The following DPP6 variants were observed in gnomAD, a reference collection of about 807,000 sequenced individuals.
The protein encoded by DPP6 is dipeptidyl peptidase like 6.
A neutral mutation model predicts 122.6 loss-of-function variants in DPP6; 69 were observed. The ratio of observed to expected loss-of-function variants is 0.56; its 90% CI spans 0.46 to 0.69. The LOEUF (loss-of-function observed/expected upper bound fraction) is 0.69. Among genes scored for constraint, DPP6 ranks in the 30% least tolerant of loss-of-function variants. The pLI is 0.00. For missense variants in DPP6, 928 were observed against 1,116.9 expected (o/e 0.83, Z 2.41); for synonymous variants, 418 against 433.1 (o/e 0.97, Z 0.43).
chr7:153,911,982 G>A (rs898091881), intron 1 of DPP6, among the ~76,000 whole-genome samples: 1 of 152,094 alleles, frequency 6.6e-6, no homozygotes, highest in Admixed American at 6.6e-5. Context: ...TGAAAACTTC[G>A]GGTTAAATTA....
chr7:154,775,231 G>C (rs1208568354), intron 10 of DPP6, among the ~76,000 whole-genome samples: 1 of 152,150 alleles, frequency 6.6e-6, no homozygotes, highest in African/African-American at 2.4e-5. Context: ...CCCTGCTTCA[G>C]TTTCCTCATC....
chr7:153,853,656 T>A, the DPP6 span, among the ~76,000 whole-genome samples: 1 of 152,142 alleles, frequency 6.6e-6, no homozygotes, highest in African/African-American at 2.4e-5. Flanking sequence ...AGAGTGAAAG[T>A]GCTGCTCAGG....
At chr7:154,707,567 A>T (rs1436577248) in intron 7 of DPP6, among the ~76,000 whole-genome samples, 1 of 152,218 alleles carries the variant, frequency 6.6e-6, no homozygotes, top group Non-Finnish European at 1.5e-5. Context: ...TCCATCGGAC[A>T]TGCCCCGAGG....
At chr7:154,569,698 A>G (rs1830989258) in intron 5 of DPP6, among the ~76,000 whole-genome samples, 2 of 151,690 alleles carry the variant, frequency 1.3e-5, no homozygotes, top group African/African-American at 4.9e-5. Context: ...TTCATTTGCA[A>G]TAAAATTTTG....
At chr7:154,522,637 A>C (rs1366688385) in intron 3 of DPP6, among the ~76,000 whole-genome samples, 1 of 152,288 alleles carries the variant, frequency 6.6e-6, no homozygotes, top group African/African-American at 2.4e-5. Context: ...TTTGGAGCCC[A>C]CATTGCCTTC....
Position 154,094,717 on chromosome 7 carries a change from A to G in DPP6, c.243+41654A>G, listed in dbSNP as rs530950073. 5 of 152,260 alleles carry G rather than the reference A, an allele frequency of 3.3e-5. No individual in the cohort carries two copies. The South Asian group carries it at 8.3e-4, about 25-fold the overall frequency. 9.4% of individuals were successfully genotyped at this position (152,260 alleles called of 1,614,324 possible). On this transcript the variant is annotated intron_variant, in intron 1 of 25. Coordinates refer to ENST00000377770, the MANE Select transcript of DPP6 (RefSeq NM_130797.4). ...GACGTGTAGTTGACCTCTGACGTGCACGGCAGATGCACGGACAGGCAGGGT... is the reference window on the plus strand; with the variant it reads ...GACGTGTAGTTGACCTCTGACGTGCGCGGCAGATGCACGGACAGGCAGGGT...
At chr7:154,578,422 T>C (rs1831821324) in intron 5 of DPP6, among the ~76,000 whole-genome samples, 1 of 152,098 alleles carries the variant, frequency 6.6e-6, no homozygotes. Flanking sequence ...TGAGAGTTTA[T>C]GATAGATGGA....
At chr7:153,894,579 A>G (rs993464372) in intron 1 of DPP6, among the ~76,000 whole-genome samples, 1 of 152,158 alleles carries the variant, frequency 6.6e-6, no homozygotes, top group African/African-American at 2.4e-5. Flanking sequence ...GAATGTTTTG[A>G]AAAACCCAGT....
At chr7:154,725,123 G>T (rs557529950) in intron 7 of DPP6, among the ~76,000 whole-genome samples, 1 of 152,040 alleles carries the variant, frequency 6.6e-6, no homozygotes, top group African/African-American at 2.4e-5. Flanking sequence ...TGGAGTTCTC[G>T]CCTATTTACC....
chr7:153,757,173 G>C, the DPP6 span, among the ~76,000 whole-genome samples: 1 of 152,154 alleles, frequency 6.6e-6, no homozygotes, highest in Non-Finnish European at 1.5e-5. Context: ...CTCATCTTTA[G>C]GGCTTTAGAA....
At position 154,438,435 on chromosome 7, in the gene DPP6, A is replaced by G. The variant is rs564446028; in HGVS notation, c.244-7779A>G. On this transcript the variant is annotated intron_variant, in intron 1 of 25. Coordinates refer to ENST00000377770, the MANE Select transcript of DPP6 (RefSeq NM_130797.4). Reference sequence around the variant, plus strand: ...CAGTGAGTCGAGATAGCACCACTGCACTCCAGCCTGGGTGACAGAGTGAGA... The same window carrying G: ...CAGTGAGTCGAGATAGCACCACTGCGCTCCAGCCTGGGTGACAGAGTGAGA... Among the ~76,000 whole-genome samples the G allele has an allele frequency of 2.1e-4, 27 of 129,226 alleles. No individual in the cohort carries two copies. In the East Asian group the frequency reaches 6.8e-3, roughly 33 times the overall value. 84.8% of individuals were successfully genotyped at this position (129,226 alleles called of 152,430 possible).
At chr7:153,948,646 G>A (rs1802060267) in intron 1 of DPP6, among the ~76,000 whole-genome samples, 1 of 149,056 alleles carries the variant, frequency 6.7e-6, no homozygotes, top group South Asian at 2.2e-4. Flanking sequence ...GATCAGATGA[G>A]ATAAAATATG....
intron 8 of DPP6, among the ~76,000 whole-genome samples, chr7:154,733,315 A>G (rs534346989): frequency 3.3e-5 from 5 of 152,380 alleles, no homozygotes; most frequent in Non-Finnish European, 7.3e-5. Flanking sequence ...TACAAGGAGC[A>G]GAGCCTTTCC....
intron 1 of DPP6, among the ~76,000 whole-genome samples, chr7:154,226,891 C>T (rs990756962): frequency 4.6e-5 from 7 of 152,016 alleles, no homozygotes; most frequent in Non-Finnish European, 1.0e-4. Context: ...TCTTTTACAC[C>T]TAGTGAATGG....
intron 3 of DPP6, among the ~76,000 whole-genome samples, chr7:154,516,330 C>T (rs183410036): frequency 2.6e-4 from 40 of 151,850 alleles, no homozygotes; most frequent in African/African-American, 9.2e-4. Context: ...ATGCAGGGAG[C>T]GCAAAGGACT....
chr7:153,771,496 C>T, the DPP6 span, among the ~76,000 whole-genome samples: 4 of 152,090 alleles, frequency 2.6e-5, no homozygotes, highest in South Asian at 2.1e-4. Flanking sequence ...TGTGCCACCA[C>T]GCCTGACTAA....
At chr7:153,944,564 A>G (rs1300845709) in intron 1 of DPP6, among the ~76,000 whole-genome samples, 1 of 151,898 alleles carries the variant, frequency 6.6e-6, no homozygotes, top group Non-Finnish European at 1.5e-5. Context: ...GGGTAGTGCC[A>G]GCACACAAGG....
chr7:153,830,559 G>A, the DPP6 span, among the ~76,000 whole-genome samples: 1 of 152,104 alleles, frequency 6.6e-6, no homozygotes, highest in Non-Finnish European at 1.5e-5. Context: ...CAGAGATGAA[G>A]AATAAGAAGT....
At chr7:154,870,583 G>C (rs1804299830) in intron 18 of DPP6, among the ~76,000 whole-genome samples, 2 of 152,110 alleles carry the variant, frequency 1.3e-5, no homozygotes, top group African/African-American at 4.8e-5. Context: ...TCCAGCCTTG[G>C]CAATAGAGTG....
Sources: allele counts gnomAD v4.1 joint callset (sites outside exome capture counted in the v4.1 genomes callset), GRCh38; gene constraint gnomAD v4.1.1; transcripts MANE v1.5; gene names NCBI Gene and HGNC (gene_info 2026-07-23, HGNC 2026-07-21).